Variants in CPXM2 observed in about 807,000 individuals in gnomAD.
CPXM2 encodes inactive carboxypeptidase-like protein X2.
In CPXM2, 66 loss-of-function variants were observed where a neutral mutation model predicts 86.1. That is an observed-to-expected ratio of 0.77 (90% confidence interval 0.63 to 0.94). The LOEUF (loss-of-function observed/expected upper bound fraction) is 0.94, where lower values mean the gene tolerates loss of function less well. CPXM2 is among the 40% of genes least tolerant of loss of function. CPXM2 has a pLI of 0.00. For synonymous variants in CPXM2, 388 were observed against 400.2 expected, an observed-to-expected ratio of 0.97 and a Z score of 0.36; for missense variants, 948 against 1,026.3, an observed-to-expected ratio of 0.92 and a Z score of 1.04.
chr10:123,791,151 C>T (rs1847198050), intron 6 of CPXM2, among the ~76,000 whole-genome samples: 2 of 152,142 alleles, frequency 1.3e-5, no homozygotes, highest in Admixed American at 6.5e-5. Context: ...CGGTGGCTCA[C>T]ACCTGTAATC....
Position 123,768,467 on chromosome 10 carries a change from T to C in CPXM2, c.1299+59A>G, listed in dbSNP as rs965150946. On this transcript the variant is annotated intron_variant, in intron 9 of 13. Coordinates refer to ENST00000241305, the MANE Select transcript of CPXM2 (RefSeq NM_198148.3). ...TGCATAGCCCTAGGGCCAGACATACTCTGGAGCTGGGGCCTCGCTGCCCAT... is the reference window on the plus strand; with the variant it reads ...TGCATAGCCCTAGGGCCAGACATACCCTGGAGCTGGGGCCTCGCTGCCCAT... The C allele has an allele frequency of 1.7e-5, 24 of 1,427,230 alleles. No individual in the cohort carries two copies. In the Admixed American group the frequency reaches 2.5e-4, roughly 15 times the overall value. 88.4% of individuals were successfully genotyped at this position (1,427,230 alleles called of 1,614,324 possible).
chr10:123,835,117 A>G (rs142501012), intron 4 of CPXM2, among the ~76,000 whole-genome samples: 8 of 152,196 alleles, frequency 5.3e-5, no homozygotes, highest in African/African-American at 1.9e-4. Context: ...GGACTAAGAC[A>G]TGGGTCAAGG....
At chr10:123,788,021 T>C (rs976577060) in intron 6 of CPXM2, among the ~76,000 whole-genome samples, 1 of 152,034 alleles carries the variant, frequency 6.6e-6, no homozygotes, top group Non-Finnish European at 1.5e-5. Flanking sequence ...GGCTCATGCC[T>C]GTAATCCTAG....
chr10:123,803,773 T>C (rs1847516039), intron 4 of CPXM2, among the ~76,000 whole-genome samples: 2 of 152,082 alleles, frequency 1.3e-5, no homozygotes, highest in Admixed American at 1.3e-4. Context: ...GCGATTCTCC[T>C]GCCTCAGCTT....
chr10:123,895,121 C>CTTT (rs869104432), upstream of CPXM2, among the ~76,000 whole-genome samples: 377 of 85,832 alleles, frequency 4.4e-3, 5 homozygotes, highest in Middle Eastern at 7.4e-3. Flanking sequence ...TCTTTTTTTT[C>CTTT]TTTTTTTTTT....
At chr10:123,927,046 C>T (rs985042367) in intron 2 of CPXM2, among the ~76,000 whole-genome samples, 4 of 152,194 alleles carry the variant, frequency 2.6e-5, no homozygotes, top group African/African-American at 7.2e-5. Flanking sequence ...TGGATGGGCA[C>T]GTGACCTTAC....
chr10:123,931,128 C>T (rs576789831), intron 2 of CPXM2, among the ~76,000 whole-genome samples: 1 of 152,294 alleles, frequency 6.6e-6, no homozygotes, highest in South Asian at 2.1e-4. Flanking sequence ...CCACTACCAT[C>T]ATCTGGCAAA....
intron 4 of CPXM2, among the ~76,000 whole-genome samples, chr10:123,813,315 T>A (rs536579382): frequency 1.3e-5 from 2 of 152,238 alleles, no homozygotes; most frequent in African/African-American, 4.8e-5. Context: ...AAGTTCATCA[T>A]CAAGGATGTG....
intron 2 of CPXM2, among the ~76,000 whole-genome samples, chr10:123,910,564 C>A (rs1260872626): frequency 2.0e-5 from 3 of 152,168 alleles, no homozygotes; most frequent in Non-Finnish European, 2.9e-5. Context: ...TTGTGCCCTC[C>A]CAGATACAAG....
intron 2 of CPXM2, among the ~76,000 whole-genome samples, chr10:123,901,289 T>G (rs988586239): frequency 6.6e-6 from 1 of 152,178 alleles, no homozygotes; most frequent in Admixed American, 6.5e-5. Flanking sequence ...TTGGCATCGT[T>G]CCTTCACACC....
intron 13 of CPXM2, among the ~76,000 whole-genome samples, chr10:123,749,775 G>T (rs1846034430): frequency 6.6e-6 from 1 of 152,162 alleles, no homozygotes; most frequent in African/African-American, 2.4e-5. Context: ...GGCCTTGCAA[G>T]ATTCCATTTA....
chr10:123,774,251 T>TG (rs1431974644), intron 7 of CPXM2, among the ~76,000 whole-genome samples: 2 of 152,144 alleles, frequency 1.3e-5, no homozygotes, highest in African/African-American at 4.8e-5. Context: ...AAAGCTGAGC[T>TG]GGAACTGAAT....
At chr10:123,836,666 T>A (rs189803014) in intron 4 of CPXM2, among the ~76,000 whole-genome samples, 3 of 152,260 alleles carry the variant, frequency 2.0e-5, no homozygotes, top group Admixed American at 6.5e-5. Context: ...TCCTGTCACA[T>A]CCCCTGTCTG....
intron 2 of CPXM2, among the ~76,000 whole-genome samples, chr10:123,932,698 A>G (rs1268505356): frequency 6.6e-6 from 1 of 152,156 alleles, no homozygotes; most frequent in Admixed American, 6.5e-5. Context: ...CAATTTACAT[A>G]AGGAACGCAA....
chr10:123,787,411 G>C (rs549883774), intron 6 of CPXM2, among the ~76,000 whole-genome samples: 9 of 152,012 alleles, frequency 5.9e-5, no homozygotes, highest in African/African-American at 1.9e-4. Flanking sequence ...TTGAGATGAA[G>C]TTTTGCTCTT....
intron 2 of CPXM2, among the ~76,000 whole-genome samples, chr10:123,899,475 G>C (rs563576114): frequency 6.6e-6 from 1 of 152,366 alleles, no homozygotes; most frequent in East Asian, 1.9e-4. Context: ...AAGATGTCCT[G>C]AACAATGGAA....
intron 3 of CPXM2, among the ~76,000 whole-genome samples, chr10:123,857,631 GAGA>G (rs1403206968): frequency 2.1e-5 from 2 of 94,756 alleles, no homozygotes; most frequent in Non-Finnish European, 2.3e-5. Flanking sequence ...AGGCGGCGTG[GAGA>G]TGGAAGGCGG....
intron 2 of CPXM2, among the ~76,000 whole-genome samples, chr10:123,868,667 T>C (rs1237194640): frequency 6.6e-6 from 1 of 152,148 alleles, no homozygotes; most frequent in Non-Finnish European, 1.5e-5. Context: ...AAGGGCTTTT[T>C]AAGACACAAG....
chr10:123,850,984 A>G (rs1306194897), intron 3 of CPXM2, among the ~76,000 whole-genome samples: 1 of 152,178 alleles, frequency 6.6e-6, no homozygotes, highest in Non-Finnish European at 1.5e-5. Context: ...GAACGCTTCC[A>G]TTGCCCTACA....
Sources: gnomAD v4.1 joint callset for allele counts (sites outside exome capture counted in the v4.1 genomes callset) on GRCh38, gnomAD v4.1.1 for gene constraint, MANE v1.5 for transcripts, NCBI Gene and HGNC (gene_info 2026-07-23, HGNC 2026-07-21) for gene names.